Variants in PIBF1 observed in about 807,000 individuals in gnomAD.
The protein encoded by PIBF1 is progesterone-induced-blocking factor 1.
Under a neutral mutation model 112.5 loss-of-function variants are expected in PIBF1, and 90 were observed. The observed-to-expected ratio is 0.80, with a 90% CI of 0.67 to 0.95. The LOEUF is 0.95. PIBF1 is among the 40% of genes least tolerant of loss of function. The pLI is 0.00. For synonymous variants in PIBF1, 301 were observed against 288.6 expected (o/e 1.04, Z -0.44); for missense variants, 915 against 852.3 (o/e 1.07, Z -0.92).
chr13:72,805,924 A>G (rs1190517855), intron 5 of PIBF1, among the ~76,000 whole-genome samples: 2 of 152,252 alleles, frequency 1.3e-5, no homozygotes, highest in African/African-American at 4.8e-5. Flanking sequence ...GGGAAGGTCA[A>G]CAGAGTGGTA....
intron 10 of PIBF1, among the ~76,000 whole-genome samples, chr13:72,876,134 C>CTTTTTTTTTTTTTT (rs386363749): frequency 2.1e-4 from 19 of 91,232 alleles, no homozygotes; most frequent in Non-Finnish European, 2.6e-4. Flanking sequence ...TGTTCAGATT[C>CTTTTTTTTTTTTTT]TTTTTTTTTT....
intron 13 of PIBF1, among the ~76,000 whole-genome samples, chr13:72,918,857 C>T (rs769871856): frequency 1.3e-4 from 20 of 152,116 alleles, no homozygotes; most frequent in Non-Finnish European, 2.4e-4. Context: ...GCATGTGCCA[C>T]CATGCCTGGC....
chr13:72,910,262 C>A (rs985484844), intron 12 of PIBF1, among the ~76,000 whole-genome samples: 1 of 152,134 alleles, frequency 6.6e-6, no homozygotes, highest in African/African-American at 2.4e-5. Context: ...TTCAAATTTT[C>A]ATATCATATG....
intron 10 of PIBF1, chr13:72,881,123 T>G (rs2039611855): frequency 6.6e-6 from 1 of 151,848 alleles, no homozygotes; most frequent in Non-Finnish European, 1.5e-5. Flanking sequence ...AACAAAATGC[T>G]TCATGATTTT....
intron 9 of PIBF1, among the ~76,000 whole-genome samples, chr13:72,837,064 G>A (rs192752051): frequency 1.1e-3 from 168 of 151,798 alleles, no homozygotes; most frequent in Non-Finnish European, 1.8e-3. Context: ...TATTTTCAAT[G>A]AAAATGGCAA....
intron 5 of PIBF1, 150 bp downstream of exon 5, chr13:72,798,176 A>G: frequency 1.4e-6 from 1 of 721,616 alleles, no homozygotes. Context: ...GAAGGAGGTT[A>G]AATTGGAAGT....
chr13:72,928,044 TAC>T (rs1183170358), intron 13 of PIBF1, among the ~76,000 whole-genome samples: 5 of 130,084 alleles, frequency 3.8e-5, no homozygotes, highest in African/African-American at 8.7e-5. Flanking sequence ...TATATATATA[TAC>T]ATATATATAT....
At chr13:72,916,378 G>A (rs193083747) in intron 12 of PIBF1, among the ~76,000 whole-genome samples, 72 of 145,104 alleles carry the variant, frequency 5.0e-4, no homozygotes, top group Admixed American at 3.2e-3. Context: ...GGCAACAAGA[G>A]CGAAACTCCA....
intron 10 of PIBF1, among the ~76,000 whole-genome samples, chr13:72,874,223 A>ATT (rs1278529085): frequency 6.6e-6 from 1 of 152,214 alleles, no homozygotes; most frequent in Non-Finnish European, 1.5e-5. Context: ...TAAACTTAGT[A>ATT]TAAGACCCAG....
chr13:72,847,442 A>G (rs1310946619), intron 9 of PIBF1, among the ~76,000 whole-genome samples: 1 of 152,204 alleles, frequency 6.6e-6, no homozygotes, highest in Admixed American at 6.5e-5. Context: ...GGCATAAGGC[A>G]AGAAGGTAGG....
At chr13:72,927,949 A>G (rs990087876) in intron 13 of PIBF1, among the ~76,000 whole-genome samples, 1 of 72,366 alleles carries the variant, frequency 1.4e-5, no homozygotes, top group African/African-American at 6.1e-5. Flanking sequence ...ATGTGTGTAT[A>G]TATATATATA....
At chr13:73,011,419 T>A (rs1284797458) in intron 17 of PIBF1, among the ~76,000 whole-genome samples, 1 of 149,762 alleles carries the variant, frequency 6.7e-6, no homozygotes, top group African/African-American at 2.5e-5. Context: ...CCCCTTCCGT[T>A]TCCAGCAGTG....
intron 12 of PIBF1, among the ~76,000 whole-genome samples, chr13:72,916,717 C>G (rs1232825506): frequency 6.6e-6 from 1 of 151,842 alleles, no homozygotes; most frequent in Non-Finnish European, 1.5e-5. Flanking sequence ...TTATCAAGAA[C>G]AGAATTGATG....
chr13:72,869,002 T>G (rs2039043819), intron 10 of PIBF1, among the ~76,000 whole-genome samples: 1 of 152,130 alleles, frequency 6.6e-6, no homozygotes, highest in East Asian at 1.9e-4. Context: ...ATAGGAACAC[T>G]TTTACACTGT....
intron 2 of PIBF1, among the ~76,000 whole-genome samples, chr13:72,787,982 A>C (rs1338496649): frequency 6.6e-6 from 1 of 152,164 alleles, no homozygotes; most frequent in Non-Finnish European, 1.5e-5. Flanking sequence ...TGGGCAGGAA[A>C]CTTAAAGCCT....
chr13:72,962,313 A>G (rs552004013), intron 14 of PIBF1, among the ~76,000 whole-genome samples: 239 of 152,302 alleles, frequency 1.6e-3, no homozygotes, highest in African/African-American at 5.6e-3. Context: ...AATAGCATCA[A>G]AAAGAAAAAA....
At chr13:72,871,341 T>G (rs572524553) in intron 10 of PIBF1, among the ~76,000 whole-genome samples, 2 of 152,300 alleles carry the variant, frequency 1.3e-5, no homozygotes, top group African/African-American at 4.8e-5. Flanking sequence ...AGTCTTGCTC[T>G]GTCGCCCAGG....
At chr13:72,921,781 C>CTTTA (rs1310711225) in intron 13 of PIBF1, among the ~76,000 whole-genome samples, 1 of 152,100 alleles carries the variant, frequency 6.6e-6, no homozygotes, top group African/African-American at 2.4e-5. Context: ...TAGAGTAGAT[C>CTTTA]TTTAGTAAGT....
At chr13:72,944,071 T>A (rs984522623) in intron 14 of PIBF1, among the ~76,000 whole-genome samples, 8 of 152,176 alleles carry the variant, frequency 5.3e-5, no homozygotes, top group African/African-American at 1.9e-4. Flanking sequence ...ATAAAATAAG[T>A]ATTTTTCTTG....
Sources: gnomAD v4.1 joint callset for allele counts (sites outside exome capture counted in the v4.1 genomes callset) on GRCh38, gnomAD v4.1.1 for gene constraint, MANE v1.5 for transcripts, NCBI Gene and HGNC (gene_info 2026-07-23, HGNC 2026-07-21) for gene names.